KASH5: variants seen among roughly 807,000 people sequenced by gnomAD.
KASH5 encodes KASH domain containing 5, also known as protein KASH5.
Under a neutral mutation model 84.2 loss-of-function variants are expected in KASH5, and 72 were observed. That is an observed-to-expected ratio of 0.85 (90% CI 0.71 to 1.04). The LOEUF (loss-of-function observed/expected upper bound fraction) is 1.04, where lower values mean the gene tolerates loss of function less well. KASH5 is among the 50% of genes least tolerant of loss of function. The pLI is 0.00. For missense variants in KASH5, 650 were observed against 701.0 expected (o/e 0.93, Z 0.82); for synonymous variants, 260 against 279.1 (o/e 0.93, Z 0.68).
chr19:49,397,870 T>C, intron 6 of KASH5, 112 bp from the exon 7 acceptor site: 2 of 1,439,352 alleles, frequency 1.4e-6, no homozygotes, highest in Non-Finnish European at 1.9e-6. Context: ...GTCTCTCTCC[T>C]GTTTATCTTT....
chr19:49,405,956 CAAAA>C (rs59895865), intron 9 of KASH5, among the ~76,000 whole-genome samples: 8 of 67,846 alleles, frequency 1.2e-4, no homozygotes, highest in Admixed American at 1.8e-4. Flanking sequence ...AACTCCGTCT[CAAAA>C]AAAAAAAAAA....
At chr19:49,396,242 A>ATTTTTTTTTTTTTTT (rs1568611428) in intron 5 of KASH5, among the ~76,000 whole-genome samples, 1 of 122,904 alleles carries the variant, frequency 8.1e-6, no homozygotes, top group African/African-American at 3.2e-5. Context: ...ACCCTGCTGG[A>ATTTTTTTTTTTTTTT]CTTTTTTTTT....
At chr19:49,398,888 TC>T in intron 7 of KASH5, 136 bp from the exon 8 acceptor site, 1 of 658,232 alleles carries the variant, frequency 1.5e-6, no homozygotes, top group Non-Finnish European at 2.6e-6. Context: ...GTCTCTGTCC[TC>T]CCCTCTCTCT....
At chr19:49,401,772 T>C (rs8105430) in intron 9 of KASH5, among the ~76,000 whole-genome samples, 78,808 of 152,018 alleles carry the variant, frequency 0.52, 20,542 homozygotes, top group South Asian at 0.65. Flanking sequence ...AATATCTTTG[T>C]CCTACATGTG....
At chr19:49,392,373 C>T (rs1358804048) in intron 2 of KASH5, among the ~76,000 whole-genome samples, 1 of 151,916 alleles carries the variant, frequency 6.6e-6, no homozygotes, top group Admixed American at 6.6e-5. Flanking sequence ...AGAAATGTAA[C>T]GAAGAGGCAA....
At chr19:49,403,745 T>C (rs146468174) in intron 9 of KASH5, among the ~76,000 whole-genome samples, 155 of 152,256 alleles carry the variant, frequency 1.0e-3, no homozygotes, top group African/African-American at 3.5e-3. Flanking sequence ...ACCAGCAGTC[T>C]CATCTCTACC....
intron 1 of KASH5, among the ~76,000 whole-genome samples, chr19:49,389,142 C>T (rs1279397527): frequency 1.0e-5 from 1 of 98,750 alleles, no homozygotes; most frequent in African/African-American, 4.3e-5. Flanking sequence ...CCGCATAAAT[C>T]AAGACCCCCA....
In KASH5 at chr19:49,412,214, A is replaced by G. The variant is rs1470861953; in HGVS notation, c.1270-754A>G. On this transcript the variant is annotated intron_variant, in intron 15 of 19. Transcript: ENST00000447857. This position sits in a 1 kb window ranked among gnomAD's most constrained non-coding sequence, Gnocchi z 4.6. ...CCCTCTGGAACCATGTGAGGGACCT[A>G]CTGGAGGCAGGGAGGAGGCTGGAGC... Among the ~76,000 whole-genome samples the G allele has an allele frequency of 6.6e-6, 1 of 152,110 alleles. No individual in the cohort carries two copies. Among genetic ancestry groups the G allele is most frequent in the African/African-American group, 2.4e-5 (1 of 41,424 alleles).
At chr19:49,409,512 C>T (rs1974643771) in intron 14 of KASH5, among the ~76,000 whole-genome samples, 1 of 152,170 alleles carries the variant, frequency 6.6e-6, no homozygotes, top group Admixed American at 6.5e-5. Context: ...TGACTCACCC[C>T]TATCTCGTCT....
intron 1 of KASH5, 63 bp from the exon 2 acceptor site, chr19:49,390,726 G>A: frequency 1.3e-6 from 1 of 744,326 alleles, no homozygotes; most frequent in East Asian, 3.1e-5. Flanking sequence ...CACAGGTGGG[G>A]CTAGGCAGGC....
At chr19:49,415,980 G>C (rs1193663478) in intron 17 of KASH5, among the ~76,000 whole-genome samples, 1 of 152,184 alleles carries the variant, frequency 6.6e-6, no homozygotes. Flanking sequence ...GGAGACATGG[G>C]GGATGAGGCG....
chr19:49,414,201 G>T lies in KASH5; in HGVS notation c.1329-750G>T, dbSNP rs759407324. Among the ~76,000 whole-genome samples the T allele has an allele frequency of 6.6e-6, 1 of 152,152 alleles. No individual in the cohort carries two copies. The highest frequency in any genetic ancestry group is 1.5e-5 in the Non-Finnish European group (1 of 68,014). ...TAGACCGAGACTCGCTGAGGGAAGG[G>T]TCAGGTCTCATCTCCTGGCCTACAG... On this transcript the variant is annotated intron_variant, in intron 16 of 19. Coordinates refer to ENST00000447857, the MANE Select transcript of KASH5 (RefSeq NM_144688.5). The surrounding 1 kb of genome is among the most constrained non-coding windows in gnomAD (Gnocchi z 4.5).
Position 49,413,419 on chromosome 19 carries a change from G to A in KASH5, c.1328+393G>A, listed in dbSNP as rs143827580. ...GTGATTGTTAGGAGGCTGTGTCCAG[G>A]CCTCTGAGGATGGAGAACGCACTAG... is the stretch of plus-strand genomic sequence containing the variant. On this transcript the variant is annotated intron_variant, in intron 16 of 19. Coordinates refer to ENST00000447857, the MANE Select transcript of KASH5 (RefSeq NM_144688.5). Among the ~76,000 whole-genome samples, 106 of 152,330 alleles carry A rather than the reference G, an allele frequency of 7.0e-4. 2 individuals carry two copies. The East Asian group carries it at 0.019, about 27-fold the overall frequency.
rs140735778 is a variant in KASH5, at chr19:49,413,188, C to T, written c.1328+162C>T. ...TGGGCCTGTAGGCCAGGAGATGAGG[C>T]CTGGCCCTGCCCTCAGGTCTAGGAG... On this transcript the variant is annotated intron_variant, in intron 16 of 19. Coordinates refer to ENST00000447857, the MANE Select transcript of KASH5 (RefSeq NM_144688.5). Among the ~76,000 whole-genome samples the T allele has an allele frequency of 6.4e-3, 970 of 152,338 alleles. 5 individuals carry two copies. The Middle Eastern group carries it at 0.075, about 12-fold the overall frequency.
At chr19:49,402,548 A>G (rs895662474) in intron 9 of KASH5, among the ~76,000 whole-genome samples, 1 of 151,964 alleles carries the variant, frequency 6.6e-6, no homozygotes, top group Non-Finnish European at 1.5e-5. Context: ...CTCTACTAAA[A>G]ATATAAAAAT....
intron 9 of KASH5, 85 bp from the exon 10 acceptor site, chr19:49,406,801 C>T (rs1200755448): frequency 1.7e-6 from 2 of 1,211,220 alleles, no homozygotes; most frequent in Non-Finnish European, 2.4e-6. Flanking sequence ...TGATGTATAT[C>T]AATCAAGTGT....
chr19:49,399,856 G>T lies in KASH5; in HGVS notation c.798+349G>T, dbSNP rs946570922. 2.4e-5 allele frequency: 9 copies of T among 377,394 alleles called. No individual in the cohort carries two copies. The highest frequency in any genetic ancestry group is 7.8e-4 in the Middle Eastern group (1 of 1,290). 23.4% of individuals were successfully genotyped at this position (377,394 alleles called of 1,614,324 possible). A position where few individuals can be genotyped will look rare whatever the true frequency, so the allele number is the denominator to read the frequency against. On this transcript the variant is annotated intron_variant, in intron 9 of 19. Transcript: ENST00000447857. This position sits in a 1 kb window ranked among gnomAD's most constrained non-coding sequence, Gnocchi z 4.4. ...ACTTCAACCGAAGGATACTTGCAAA[G>T]TCTTGGGCACAAGGTAGGACACATA... is the stretch of plus-strand genomic sequence containing the variant.
At chr19:49,409,100 A>T in intron 13 of KASH5, 69 bp downstream of exon 13, 1 of 1,577,734 alleles carries the variant, frequency 6.3e-7, no homozygotes, top group Non-Finnish European at 8.6e-7. Context: ...CCTGGCCTCC[A>T]GCCCCAAGGT....
Position 49,394,548 on chromosome 19 carries a change from C to A in KASH5, c.116C>A (p.Ser39Tyr), listed in dbSNP as rs1974111062. ...PVSLEEQILN[S>Y]TFEACDPQRT... Reference sequence around the variant, plus strand: ...AGCTTGGAGGAGCAAATACTCAACTCCACGTTCGAAGCTTGTGACCCTCAG... The same window carrying A: ...AGCTTGGAGGAGCAAATACTCAACTACACGTTCGAAGCTTGTGACCCTCAG... Residue 39 changes from serine (S) to tyrosine (Y), a missense_variant, in exon 3 of 20, where the codon TCC becomes TAC. Transcript: ENST00000447857. 5 of 1,613,742 alleles carry A rather than the reference C, an allele frequency of 3.1e-6. No homozygotes were observed. In the East Asian group the frequency reaches 1.1e-4, roughly 36 times the overall value.
Sources: gnomAD v4.1 joint callset for allele counts (sites outside exome capture counted in the v4.1 genomes callset) on GRCh38, gnomAD v4.1.1 for gene constraint, Gnocchi (gnomAD v3.1) non-coding constraint, MANE v1.5 for transcripts, NCBI Gene and HGNC (gene_info 2026-07-23, HGNC 2026-07-21) for gene names.